Variants in TMEM132B observed in about 807,000 individuals in gnomAD.
TMEM132B encodes transmembrane protein 132B.
Under a neutral mutation model 90.8 loss-of-function variants are expected in TMEM132B, and 18 were observed. The ratio of observed to expected loss-of-function variants is 0.20; its 90% confidence interval spans 0.14 to 0.29. TMEM132B has a LOEUF of 0.29. Among genes scored for constraint, TMEM132B ranks in the 10% least tolerant of loss-of-function variants. TMEM132B has a pLI of 1.00. For missense variants in TMEM132B, 1,096 were observed against 1,326.8 expected (o/e 0.83, Z 2.70); for synonymous variants, 504 against 523.3 (o/e 0.96, Z 0.50).
At position 125,655,563 on chromosome 12, in the gene TMEM132B, A is replaced by G. The variant is rs377328887; in HGVS notation, c.*853A>G. On this transcript the variant is annotated 3_prime_UTR_variant, in exon 9 of 9. Transcript: ENST00000682704. ...TCAAACATTTGGAAAAAAGTTGTCA[A>G]TCACAAACATTTATTTTTATTCTCT... The G allele has an allele frequency of 6.6e-6, 1 of 152,226 alleles. No individual in the cohort carries two copies. Among genetic ancestry groups the G allele is most frequent in the Admixed American group, 6.5e-5 (1 of 15,278 alleles). The allele number at this position is 152,226 out of a possible 1,614,324, so 9.4% of individuals were successfully genotyped here. A position where few individuals can be genotyped will look rare whatever the true frequency, so the allele number is the denominator to read the frequency against.
At chr12:125,365,503 A>G (rs867113206) in intron 2 of TMEM132B, among the ~76,000 whole-genome samples, 2 of 152,102 alleles carry the variant, frequency 1.3e-5, no homozygotes, top group African/African-American at 2.4e-5. Flanking sequence ...GATGTTCTTC[A>G]TTCCTTTCTG....
intron 4 of TMEM132B, among the ~76,000 whole-genome samples, chr12:125,537,959 C>T (rs1388864633): frequency 2.6e-5 from 4 of 152,026 alleles, no homozygotes; most frequent in Non-Finnish European, 4.4e-5. Context: ...TCCACCACCC[C>T]GAAACTCTGC....
chr12:125,531,181 GTTTTGTTTTTGT>G (rs563128695), intron 4 of TMEM132B, among the ~76,000 whole-genome samples: 1 of 151,918 alleles, frequency 6.6e-6, no homozygotes, highest in Non-Finnish European at 1.5e-5. Flanking sequence ...TTTTCTTTTT[GTTTTGTTTTTGT>G]TTTTGTTTTT....
Position 125,415,898 on chromosome 12 carries a change from G to T in TMEM132B, c.1106+221G>T, listed in dbSNP as rs1345586147. On this transcript the variant is annotated intron_variant, in intron 3 of 8. Coordinates refer to ENST00000682704, the MANE Select transcript of TMEM132B (RefSeq NM_001366854.1). The surrounding 1 kb of genome is among the most constrained non-coding windows in gnomAD (Gnocchi z 5.3). ...AATTTTTATCTTTATTATTACTATT[G>T]TTATTGTTTGCAGCGAAGAGTTGAA... Among the ~76,000 whole-genome samples the T allele has an allele frequency of 6.6e-6, 1 of 152,158 alleles. No homozygotes were observed. The highest frequency in any genetic ancestry group is 2.4e-5 in the African/African-American group (1 of 41,430).
intron 4 of TMEM132B, among the ~76,000 whole-genome samples, chr12:125,535,136 G>T (rs1883763571): frequency 6.6e-6 from 1 of 152,160 alleles, no homozygotes; most frequent in Non-Finnish European, 1.5e-5. Context: ...TTTGCTCGTA[G>T]AATCCAATGC....
At position 125,653,675 on chromosome 12, in the gene TMEM132B, G is replaced by A. The variant is rs1428215294; in HGVS notation, c.2217G>A (p.Val739=). 2 of 1,614,050 alleles carry A rather than the reference G, an allele frequency of 1.2e-6. No individual in the cohort carries two copies. Among genetic ancestry groups the A allele is most frequent in the African/African-American group, 1.3e-5 (1 of 74,916 alleles). ...CTGTCTCATCATTGGATGAAATGGT[G>A]GTGTCTGTCCAGGCAAACCTTGAGT... ...SVTVSSLDEM[V]VSVQANLESK... The change falls in exon 9 of 9, where the codon GTG becomes GTA. Residue 739 remains valine, a synonymous_variant. Transcript: ENST00000682704.
At chr12:125,510,798 A>T (rs1882957800) in intron 3 of TMEM132B, among the ~76,000 whole-genome samples, 1 of 152,200 alleles carries the variant, frequency 6.6e-6, no homozygotes, top group African/African-American at 2.4e-5. Flanking sequence ...TATAAACTAT[A>T]GAAATAATTA....
intron 2 of TMEM132B, among the ~76,000 whole-genome samples, chr12:125,370,836 G>A (rs1232744947): frequency 6.6e-6 from 1 of 152,230 alleles, no homozygotes; most frequent in African/African-American, 2.4e-5. Context: ...TCCAATGTTT[G>A]ACTGGTGTAT....
intron 3 of TMEM132B, among the ~76,000 whole-genome samples, chr12:125,514,200 G>GC (rs370517568): frequency 3.9e-5 from 6 of 151,916 alleles, no homozygotes; most frequent in African/African-American, 1.2e-4. Flanking sequence ...AACGCCACAC[G>GC]CCCCCCACCC....
At chr12:125,473,788 C>T (rs1211462914) in intron 3 of TMEM132B, among the ~76,000 whole-genome samples, 2 of 152,156 alleles carry the variant, frequency 1.3e-5, no homozygotes, top group African/African-American at 4.8e-5. Context: ...GACACAGACA[C>T]ACAATATGGG....
At chr12:125,575,574 C>A (rs1349034028) in intron 4 of TMEM132B, among the ~76,000 whole-genome samples, 1 of 151,702 alleles carries the variant, frequency 6.6e-6, no homozygotes, top group Non-Finnish European at 1.5e-5. Context: ...CTATAAAGTA[C>A]AATTTATCTA....
chr12:125,654,878 G>A lies in TMEM132B; in HGVS notation c.*168G>A. 4 of 811,236 alleles carry A rather than the reference G, an allele frequency of 4.9e-6. No individual in the cohort carries two copies. Among genetic ancestry groups the A allele is most frequent in the Non-Finnish European group, 3.7e-6 (2 of 537,230 alleles). 50.3% of individuals were successfully genotyped at this position (811,236 alleles called of 1,614,324 possible). On this transcript the variant is annotated 3_prime_UTR_variant, in exon 9 of 9. Transcript: ENST00000682704. This position sits in a 1 kb window ranked among gnomAD's most constrained non-coding sequence, Gnocchi z 5.8. ...AGGTTTGGAGAGCTATAGAAGCTGGGTTTTAAGTTTGGAAATGCCTCTAAA... is the reference window on the plus strand; with the variant it reads ...AGGTTTGGAGAGCTATAGAAGCTGGATTTTAAGTTTGGAAATGCCTCTAAA...
intron 2 of TMEM132B, among the ~76,000 whole-genome samples, chr12:125,402,926 A>G (rs924892564): frequency 6.6e-6 from 1 of 152,270 alleles, no homozygotes; most frequent in Admixed American, 6.5e-5. Context: ...GTTCCTGCTC[A>G]TTGGCCCCTG....
chr12:125,447,563 C>T (rs1881040195), intron 3 of TMEM132B, among the ~76,000 whole-genome samples: 1 of 152,112 alleles, frequency 6.6e-6, no homozygotes, highest in Non-Finnish European at 1.5e-5. Flanking sequence ...TTTTAATAGT[C>T]AACACTCACA....
chr12:125,517,746 TAGAA>T (rs1883204851), intron 3 of TMEM132B, among the ~76,000 whole-genome samples: 2 of 152,112 alleles, frequency 1.3e-5, no homozygotes, highest in African/African-American at 4.8e-5. Flanking sequence ...CTACTGAAAG[TAGAA>T]AGACCAATAT....
intron 5 of TMEM132B, among the ~76,000 whole-genome samples, chr12:125,624,430 T>C (rs1454038972): frequency 1.3e-5 from 2 of 152,064 alleles, no homozygotes; most frequent in Non-Finnish European, 2.9e-5. Flanking sequence ...GTGCAGAAAA[T>C]GAAATAAGGC....
chr12:125,655,418 T>G lies in TMEM132B; in HGVS notation c.*708T>G, dbSNP rs1243166300. On this transcript the variant is annotated 3_prime_UTR_variant, in exon 9 of 9. Coordinates refer to ENST00000682704, the MANE Select transcript of TMEM132B (RefSeq NM_001366854.1). ...GTATCCAAGAAGCTTATTCTCACTTTGTTTTTTCCTTCCTTTTGTTGTTGA... is the reference window on the plus strand; with the variant it reads ...GTATCCAAGAAGCTTATTCTCACTTGGTTTTTTCCTTCCTTTTGTTGTTGA... The G allele has an allele frequency of 6.6e-6, 1 of 152,268 alleles. No homozygotes were observed. Among genetic ancestry groups the G allele is most frequent in the Non-Finnish European group, 1.5e-5 (1 of 68,048 alleles). The allele number at this position is 152,268 out of a possible 1,614,324, so 9.4% of individuals were successfully genotyped here.
intron 5 of TMEM132B, among the ~76,000 whole-genome samples, chr12:125,626,332 G>T (rs1247406521): frequency 2.0e-5 from 3 of 152,184 alleles, no homozygotes; most frequent in Non-Finnish European, 2.9e-5. Context: ...ACTGTGAACA[G>T]TGCTTCAACA....
intron 3 of TMEM132B, among the ~76,000 whole-genome samples, chr12:125,504,643 G>A (rs553757159): frequency 2.6e-5 from 4 of 152,146 alleles, no homozygotes; most frequent in East Asian, 3.9e-4. Context: ...TATTCACACC[G>A]ATGACAACTA....
Sources: gnomAD v4.1 joint callset for allele counts (sites outside exome capture counted in the v4.1 genomes callset) on GRCh38, gnomAD v4.1.1 for gene constraint, Gnocchi (gnomAD v3.1) non-coding constraint, MANE v1.5 for transcripts, NCBI Gene and HGNC (gene_info 2026-07-23, HGNC 2026-07-21) for gene names.